PTPRZ1: variants seen among roughly 807,000 people sequenced by gnomAD.
PTPRZ1 encodes protein tyrosine phosphatase receptor type Z1.
In PTPRZ1, 82 loss-of-function variants were observed where a neutral mutation model predicts 214.1. That is an observed-to-expected ratio of 0.38 (90% CI 0.32 to 0.46). The LOEUF (loss-of-function observed/expected upper bound fraction) is 0.46. Ranked by LOEUF, PTPRZ1 falls within the 20% of genes least tolerant of loss-of-function variation. The probability of loss-of-function intolerance (pLI) is 1.00; values close to 1 mark genes in which losing one functional copy is unlikely to be tolerated. For synonymous variants in PTPRZ1, 945 were observed against 987.9 expected (o/e 0.96, Z 0.81); for missense variants, 2,603 against 2,748.7 (o/e 0.95, Z 1.19).
intron 13 of PTPRZ1, among the ~76,000 whole-genome samples, chr7:122,020,643 T>C (rs780512860): frequency 6.6e-6 from 1 of 152,180 alleles, no homozygotes; most frequent in Non-Finnish European, 1.5e-5. Context: ...GTAGAATGTC[T>C]TCATGATCAA....
intron 8 of PTPRZ1, among the ~76,000 whole-genome samples, chr7:121,995,222 T>G (rs1174177495): frequency 6.6e-6 from 1 of 152,164 alleles, no homozygotes; most frequent in African/African-American, 2.4e-5. Flanking sequence ...GCGGCAGTTG[T>G]TAACATATTT....
At chr7:121,877,606 C>T (rs573761366) in intron 1 of PTPRZ1, among the ~76,000 whole-genome samples, 1 of 152,072 alleles carries the variant, frequency 6.6e-6, no homozygotes, top group Non-Finnish European at 1.5e-5. Flanking sequence ...ACTAAGTGCC[C>T]GACATCTGCA....
rs560929397 is a variant in PTPRZ1, at chr7:122,028,613, A to T, written c.5050A>T (p.Thr1684Ser). 5 of 1,539,622 alleles carry T rather than the reference A, an allele frequency of 3.2e-6. No homozygotes were observed. Among genetic ancestry groups the T allele is most frequent in the East Asian group, 2.3e-5 (1 of 44,410 alleles). ...EDSTSPRVIS[T>S]PPTPIFPISD... ...CAGTACATCCCCTAGAGTTATATCC[A>T]CACCTCCAACACCTATCTTTCCAAT... Residue 1684 changes from threonine (T) to serine (S), a missense_variant, in exon 14 of 30, where the codon ACA becomes TCA. Thr to Ser is a moderately conservative substitution (Grantham distance 58). Around this residue, in one of 6 missense-constraint regions of PTPRZ1, gnomAD observed 1,913 missense variants for 1,914.3 expected, o/e 1.00. Transcript: ENST00000393386.
intron 21 of PTPRZ1, among the ~76,000 whole-genome samples, chr7:122,042,366 T>C (rs1426673278): frequency 1.3e-5 from 2 of 152,264 alleles, no homozygotes; most frequent in African/African-American, 4.8e-5. Context: ...ACAGATATAG[T>C]GAGGTTGTTT....
At chr7:122,035,465 A>AT (rs1257641065) in intron 17 of PTPRZ1, among the ~76,000 whole-genome samples, 2 of 152,246 alleles carry the variant, frequency 1.3e-5, no homozygotes, top group African/African-American at 4.8e-5. Flanking sequence ...GGAGACAGAG[A>AT]TTAACATTTG....
intron 1 of PTPRZ1, among the ~76,000 whole-genome samples, chr7:121,892,884 TC>T (rs1183007459): frequency 1.3e-5 from 2 of 151,778 alleles, no homozygotes; most frequent in Admixed American, 6.6e-5. Context: ...GTAGTGGGTA[TC>T]TTTGTTTTTT....
chr7:122,051,854 T>G lies in PTPRZ1; in HGVS notation c.6179-12T>G. 1 of 1,611,534 alleles carries G rather than the reference T, an allele frequency of 6.2e-7. No individual in the cohort carries two copies. The highest frequency in any genetic ancestry group is 8.5e-7 in the Non-Finnish European group (1 of 1,178,328). On this transcript the variant is annotated splice_polypyrimidine_tract_variant and intron_variant, in intron 24 of 29. Transcript: ENST00000393386. ...TTTTGTTTTGTTTTACAATGAATGTTCTGTGTTCCAGTGGAAAGATCAAGG... is the reference window on the plus strand; with the variant it reads ...TTTTGTTTTGTTTTACAATGAATGTGCTGTGTTCCAGTGGAAAGATCAAGG...
chr7:122,000,697 A>ATATATT (rs1798296462), intron 10 of PTPRZ1, among the ~76,000 whole-genome samples: 1 of 83,248 alleles, frequency 1.2e-5, no homozygotes, highest in Non-Finnish European at 2.3e-5. Flanking sequence ...ATATATATAT[A>ATATATT]TATATTTGAG....
chr7:121,918,676 CTT>C (rs1795495689), intron 1 of PTPRZ1, among the ~76,000 whole-genome samples: 2 of 151,848 alleles, frequency 1.3e-5, no homozygotes, highest in Admixed American at 6.6e-5. Context: ...TGCATAGACA[CTT>C]TAAATTTTTT....
chr7:122,039,605 A>G lies in PTPRZ1; in HGVS notation c.5637+17A>G, dbSNP rs1799653995. 4.3e-6 allele frequency: 7 copies of G among 1,611,730 alleles called. No individual in the cohort carries two copies. The East Asian group carries it at 1.3e-4, about 31-fold the overall frequency. ...ATAAAAAAGGTGAGTCAACAAAATG[A>G]TGGGCATAATCAAGTGAACAATGCA... is the stretch of plus-strand genomic sequence containing the variant. On this transcript the variant is annotated intron_variant, in intron 20 of 29. Transcript: ENST00000393386.
intron 1 of PTPRZ1, among the ~76,000 whole-genome samples, chr7:121,910,986 C>G (rs1563013497): frequency 6.6e-6 from 1 of 152,084 alleles, no homozygotes; most frequent in Non-Finnish European, 1.5e-5. Flanking sequence ...AAGTTCTAGA[C>G]ATCGAATAAA....
intron 4 of PTPRZ1, 58 bp from the exon 5 acceptor site, chr7:121,976,115 T>A: frequency 8.5e-7 from 1 of 1,174,200 alleles, no homozygotes; most frequent in African/African-American, 1.5e-5. Context: ...TAGAATTCTC[T>A]TTGCTGATTT....
intron 27 of PTPRZ1, 122 bp from the exon 28 acceptor site, chr7:122,058,678 T>C (rs1792459205): frequency 4.2e-6 from 3 of 709,182 alleles, no homozygotes; most frequent in Admixed American, 5.9e-5. Flanking sequence ...CTGCAACTAC[T>C]GCTGCTCACT....
At chr7:122,047,573 A>G (rs537720773) in intron 23 of PTPRZ1, among the ~76,000 whole-genome samples, 22 of 151,890 alleles carry the variant, frequency 1.4e-4, no homozygotes, top group African/African-American at 5.3e-4. Context: ...GAAGTACTCT[A>G]CGGTTTCTAT....
In PTPRZ1 at chr7:122,000,006, T is replaced by A. The variant is rs2116622464; in HGVS notation, c.1240+2000T>A. 2.0e-5 allele frequency among the ~76,000 whole-genome samples: 3 copies of A among 152,250 alleles called. No individual in the cohort carries two copies. The South Asian group carries it at 6.2e-4, about 32-fold the overall frequency. On this transcript the variant is annotated intron_variant, in intron 10 of 29. Transcript: ENST00000393386. Reference sequence around the variant, plus strand: ...AATCTCCATGGATGCCTCAGTCTCTTAAGGCATTTTGTATAGTAATGATGT... The same window carrying A: ...AATCTCCATGGATGCCTCAGTCTCTAAAGGCATTTTGTATAGTAATGATGT...
At chr7:122,017,863 C>A (rs182333050) in intron 12 of PTPRZ1, among the ~76,000 whole-genome samples, 3 of 152,174 alleles carry the variant, frequency 2.0e-5, no homozygotes, top group East Asian at 3.9e-4. Context: ...TGAGCCACCA[C>A]GCCCAGCCTG....
chr7:121,990,109 TA>T (rs1797903766), intron 8 of PTPRZ1, among the ~76,000 whole-genome samples: 1 of 152,308 alleles, frequency 6.6e-6, no homozygotes, highest in African/African-American at 2.4e-5. Context: ...TCAGTTCATA[TA>T]TTTTTTGCCA....
At chr7:121,943,128 CAAAT>C (rs1045073159) in intron 2 of PTPRZ1, among the ~76,000 whole-genome samples, 1 of 152,036 alleles carries the variant, frequency 6.6e-6, no homozygotes. Flanking sequence ...GAAGACACAT[CAAAT>C]AAAAACTCCT....
At chr7:122,025,588 C>T (rs1028195113) in intron 13 of PTPRZ1, among the ~76,000 whole-genome samples, 1 of 152,086 alleles carries the variant, frequency 6.6e-6, no homozygotes, top group African/African-American at 2.4e-5. Flanking sequence ...GCCTAGGCCT[C>T]CCAAAGTGCT....
Sources: gnomAD v4.1 joint callset for allele counts (sites outside exome capture counted in the v4.1 genomes callset) on GRCh38, gnomAD v4.1.1 for gene constraint, gnomAD v4.1.1 regional missense constraint, MANE v1.5 for transcripts, NCBI Gene and HGNC (gene_info 2026-07-23, HGNC 2026-07-21) for gene names.